ATP10B: variants seen among roughly 807,000 people sequenced by gnomAD.
The protein encoded by ATP10B is phospholipid-transporting ATPase VB.
A neutral mutation model predicts 141.2 loss-of-function variants in ATP10B; 122 were observed. The ratio of observed to expected loss-of-function variants is 0.86; its 90% CI spans 0.75 to 1.00. The LOEUF (loss-of-function observed/expected upper bound fraction) is 1.00, where lower values mean the gene tolerates loss of function less well. Ranked by LOEUF, ATP10B falls within the 50% of genes least tolerant of loss-of-function variation. The pLI is 0.00. For synonymous variants in ATP10B, 685 were observed against 692.0 expected (o/e 0.99, Z 0.16); for missense variants, 1,876 against 1,825.3 (o/e 1.03, Z -0.51).
At chr5:160,783,480 A>G (rs1358269705) in intron 2 of ATP10B, among the ~76,000 whole-genome samples, 2 of 141,118 alleles carry the variant, frequency 1.4e-5, no homozygotes, top group Non-Finnish European at 3.1e-5. Flanking sequence ...ATATTCCATC[A>G]TATATATGAT....
At chr5:160,760,380 C>T (rs965154998) in intron 2 of ATP10B, among the ~76,000 whole-genome samples, 1 of 152,138 alleles carries the variant, frequency 6.6e-6, no homozygotes, top group African/African-American at 2.4e-5. Flanking sequence ...ACACAATACT[C>T]ATGAATAAAA....
At chr5:160,699,257 G>A (rs1430334859) in intron 3 of ATP10B, among the ~76,000 whole-genome samples, 2 of 152,126 alleles carry the variant, frequency 1.3e-5, no homozygotes. Context: ...ATCCCTCTAG[G>A]CAGAAATGTG....
At position 160,660,549 on chromosome 5, in the gene ATP10B, G is replaced by A. The variant is rs571344978; in HGVS notation, c.675+9914C>T. 1.4e-4 allele frequency among the ~76,000 whole-genome samples: 21 copies of A among 152,268 alleles called. No individual in the cohort carries two copies. In the Middle Eastern group the frequency reaches 0.014, roughly 99 times the overall value. Reference sequence around the variant, plus strand: ...TGAGAGGAAAGACTCAAAAACATCCGTTTTCTCTACAGAGGACACTTAGGA... The same window carrying A: ...TGAGAGGAAAGACTCAAAAACATCCATTTTCTCTACAGAGGACACTTAGGA... On this transcript the variant is annotated intron_variant, in intron 7 of 25. Transcript: ENST00000327245.
intron 2 of ATP10B, among the ~76,000 whole-genome samples, chr5:160,718,716 G>C (rs774324078): frequency 1.3e-5 from 2 of 152,080 alleles, no homozygotes; most frequent in Admixed American, 6.6e-5. Flanking sequence ...TATCATCATA[G>C]CAAGAACTCA....
the ATP10B span, among the ~76,000 whole-genome samples, chr5:160,915,722 C>T: frequency 6.6e-6 from 1 of 152,158 alleles, no homozygotes; most frequent in African/African-American, 2.4e-5. Context: ...GTGGCTTTCA[C>T]ATGATGTTCT....
intron 1 of ATP10B, among the ~76,000 whole-genome samples, chr5:160,802,418 G>A (rs1346565877): frequency 6.6e-6 from 1 of 152,170 alleles, no homozygotes; most frequent in East Asian, 1.9e-4. Flanking sequence ...TCCCCCAGAG[G>A]ACATTTGGCA....
At chr5:160,591,884 C>T (rs1756318636) in intron 22 of ATP10B, among the ~76,000 whole-genome samples, 2 of 152,178 alleles carry the variant, frequency 1.3e-5, no homozygotes, top group South Asian at 4.2e-4. Context: ...GTTGCTCTCT[C>T]CTCTTGGCTT....
chr5:160,871,351 C>G, the ATP10B span, among the ~76,000 whole-genome samples: 5 of 151,792 alleles, frequency 3.3e-5, no homozygotes, highest in African/African-American at 1.2e-4. Context: ...CTCACATTAC[C>G]CTTGAAGAGG....
upstream of ATP10B, among the ~76,000 whole-genome samples, chr5:160,853,463 T>C (rs186737054): frequency 1.3e-5 from 2 of 152,286 alleles, no homozygotes; most frequent in East Asian, 1.9e-4. Context: ...AGGAATTTGG[T>C]GGTGAACATG....
At chr5:160,775,205 G>C (rs1770206276) in intron 2 of ATP10B, among the ~76,000 whole-genome samples, 1 of 152,212 alleles carries the variant, frequency 6.6e-6, no homozygotes, top group Non-Finnish European at 1.5e-5. Context: ...TCTGCACGCA[G>C]CCAAGTCAAA....
chr5:160,876,711 C>T, the ATP10B span, among the ~76,000 whole-genome samples: 1 of 151,748 alleles, frequency 6.6e-6, no homozygotes, highest in African/African-American at 2.4e-5. Context: ...ATATCACCAC[C>T]AATCCCACAG....
intron 3 of ATP10B, among the ~76,000 whole-genome samples, chr5:160,689,696 A>T (rs1435560889): frequency 6.6e-6 from 1 of 151,850 alleles, no homozygotes; most frequent in Non-Finnish European, 1.5e-5. Flanking sequence ...TTCAAAGAGA[A>T]CTACAAACCA....
intron 24 of ATP10B, among the ~76,000 whole-genome samples, chr5:160,571,300 A>G (rs1754860039): frequency 6.6e-6 from 1 of 152,162 alleles, no homozygotes; most frequent in South Asian, 2.1e-4. Flanking sequence ...GACCAATTCA[A>G]TAATTCTTCC....
Position 160,774,516 on chromosome 5 carries a change from G to A in ATP10B, c.-331+11043C>T, listed in dbSNP as rs757201284. Among the ~76,000 whole-genome samples, 42 of 152,176 alleles carry A rather than the reference G, an allele frequency of 2.8e-4. 1 individual carries two copies. Among genetic ancestry groups the A allele is most frequent in the Non-Finnish European group, 1.0e-4 (7 of 68,024 alleles). On this transcript the variant is annotated intron_variant, in intron 2 of 25. Coordinates refer to ENST00000327245, the MANE Select transcript of ATP10B (RefSeq NM_025153.3). ...TAAGGAGACATCATATCTGCAAGCT[G>A]TTGGCAAAGAATTATGTGCTTTGCC...
At chr5:160,703,991 T>C (rs1254166583) in intron 3 of ATP10B, among the ~76,000 whole-genome samples, 1 of 152,162 alleles carries the variant, frequency 6.6e-6, no homozygotes, top group Non-Finnish European at 1.5e-5. Context: ...ACCTTTGTTA[T>C]TGTTGTTGAG....
At chr5:160,821,434 A>G (rs1455984621) in intron 1 of ATP10B, among the ~76,000 whole-genome samples, 1 of 151,638 alleles carries the variant, frequency 6.6e-6, no homozygotes, top group Non-Finnish European at 1.5e-5. Context: ...AAATGCCCAT[A>G]CTACCCAAGG....
chr5:160,669,382 GGT>G (rs1258844227), intron 7 of ATP10B, among the ~76,000 whole-genome samples: 1 of 152,176 alleles, frequency 6.6e-6, no homozygotes, highest in Non-Finnish European at 1.5e-5. Context: ...AGGGAACCAA[GGT>G]GTGAGAGGAC....
rs746133946 is a variant in ATP10B, at chr5:160,634,507, C to T, written c.1228G>A (p.Asp410Asn). The T allele has an allele frequency of 1.6e-5, 26 of 1,614,034 alleles. No individual in the cohort carries two copies. The highest frequency in any genetic ancestry group is 1.2e-4 in the Admixed American group (7 of 59,996). ...NDLDLYDEETDLSIQCRALNI... is the reference protein window; with the variant it reads ...NDLDLYDEETNLSIQCRALNI... ...AGGGCTCGACATTGAATGGATAAAT[C>T]GGTCTCTTCATCATACAGGTCAAGG... The change falls in exon 12 of 26, where the codon GAT (aspartate) becomes AAT (asparagine). Residue 410 changes from aspartate to asparagine, a missense_variant. By Grantham distance (23) the Asp-to-Asn change is conservative. Transcript: ENST00000327245.
chr5:160,822,973 T>TA (rs1340473272), intron 1 of ATP10B, among the ~76,000 whole-genome samples: 5 of 88,986 alleles, frequency 5.6e-5, no homozygotes, highest in Non-Finnish European at 9.1e-5. Context: ...GTGACTATAG[T>TA]AAAAAATTAC....
Sources: gnomAD v4.1 joint callset for allele counts (sites outside exome capture counted in the v4.1 genomes callset) on GRCh38, gnomAD v4.1.1 for gene constraint, MANE v1.5 for transcripts, NCBI Gene and HGNC (gene_info 2026-07-23, HGNC 2026-07-21) for gene names.